MGST1: variants seen among roughly 807,000 people sequenced by gnomAD.
The protein encoded by MGST1 is glutathione S-transferase 12.
Under a neutral mutation model 8.9 loss-of-function variants are expected in MGST1, and 5 were observed. That is an observed-to-expected ratio of 0.56 (90% CI 0.29 to 1.19). The LOEUF (loss-of-function observed/expected upper bound fraction) is 1.19. MGST1 is among the 50% of genes most tolerant of loss of function. The probability of loss-of-function intolerance (pLI) is 0.08; values close to 1 mark genes in which losing one functional copy is unlikely to be tolerated. For synonymous variants in MGST1, 54 were observed against 67.8 expected (o/e 0.80, Z 1.00); for missense variants, 182 against 187.4 (o/e 0.97, Z 0.17).
chr12:16,507,999 C>G (rs1432305171), intron 4 of MGST1, among the ~76,000 whole-genome samples: 1 of 152,116 alleles, frequency 6.6e-6, no homozygotes, highest in Non-Finnish European at 1.5e-5. Context: ...TCCTTGAGTT[C>G]AGCATGCTTT....
chr12:16,586,868 AT>A lies in MGST1; in HGVS notation n.483-2659del, dbSNP rs1360253152. Among the ~76,000 whole-genome samples the A allele has an allele frequency of 6.6e-6, 1 of 152,176 alleles. No individual in the cohort carries two copies. The highest frequency in any genetic ancestry group is 1.5e-5 in the Non-Finnish European group (1 of 68,046). ...ACTGGATGACAGATTTGTTTTTAAAATGGTAAAATTAGACAATACGTCTCAT... is the reference window on the plus strand; with the variant it reads ...ACTGGATGACAGATTTGTTTTTAAAAGGTAAAATTAGACAATACGTCTCAT... On this transcript the variant is annotated intron_variant and non_coding_transcript_variant, in intron 4 of 4. Transcript: ENST00000538857. The surrounding 1 kb of genome is among the most constrained non-coding windows in gnomAD (Gnocchi z 4.3).
At chr12:16,402,309 A>G in intron 1 of MGST1, 1 of 1,594,350 alleles carries the variant, frequency 6.3e-7, no homozygotes, top group Non-Finnish European at 8.6e-7. Flanking sequence ...ATCAACACCC[A>G]CTGATGCAAC....
chr12:16,476,444 C>T (rs1941324003), intron 4 of MGST1, among the ~76,000 whole-genome samples: 1 of 152,182 alleles, frequency 6.6e-6, no homozygotes. Flanking sequence ...GCAACCTTCT[C>T]TCAGCAAGCA....
At chr12:16,447,987 T>A (rs929644474) in intron 4 of MGST1, among the ~76,000 whole-genome samples, 1 of 151,940 alleles carries the variant, frequency 6.6e-6, no homozygotes, top group Non-Finnish European at 1.5e-5. Context: ...TATGTTCTGA[T>A]GAATACACTG....
At chr12:16,357,412 TG>T in intron 2 of MGST1, 192 bp from the exon 3 acceptor site, 1 of 495,678 alleles carries the variant, frequency 2.0e-6, no homozygotes, top group Non-Finnish European at 3.6e-6. Context: ...GGCATGCATG[TG>T]GCCCACTACC....
chr12:16,416,246 T>A (rs1940787618), intron 1 of MGST1, among the ~76,000 whole-genome samples: 1 of 152,216 alleles, frequency 6.6e-6, no homozygotes, highest in Non-Finnish European at 1.5e-5. Context: ...TAAAACTATT[T>A]ATAAATGTTC....
rs374414585 is a variant in MGST1, at chr12:16,560,785, C to T, written n.483-28743C>T. On this transcript the variant is annotated intron_variant and non_coding_transcript_variant, in intron 4 of 4. Transcript: ENST00000538857. This position sits in a 1 kb window ranked among gnomAD's most constrained non-coding sequence, Gnocchi z 5.0. ...AAAGACAAATACATTAGGAAGCTTA[C>T]GTAACTGCACATAAACAGAAGTCAA... 44 of 512,740 alleles carry T rather than the reference C, an allele frequency of 8.6e-5. No individual in the cohort carries two copies. Among genetic ancestry groups the T allele is most frequent in the East Asian group, 3.2e-4 (7 of 21,830 alleles). 31.8% of individuals were successfully genotyped at this position (512,740 alleles called of 1,614,324 possible).
intron 1 of MGST1, among the ~76,000 whole-genome samples, chr12:16,350,346 G>C (rs1466871932): frequency 6.6e-6 from 1 of 152,186 alleles, no homozygotes; most frequent in Non-Finnish European, 1.5e-5. Context: ...AATATAATGA[G>C]CAAACAAACC....
chr12:16,400,879 T>G (rs1940649230), intron 1 of MGST1: 1 of 1,171,450 alleles, frequency 8.5e-7, no homozygotes, highest in Non-Finnish European at 1.3e-6. Flanking sequence ...GCATCAGAGA[T>G]GGGTGTTTAT....
At chr12:16,437,944 A>T (rs1179059727) in exon 2 of MGST1, 2 of 151,918 alleles carry the variant, frequency 1.3e-5, no homozygotes, top group African/African-American at 2.4e-5. Flanking sequence ...GATTATCCAC[A>T]CAGGGTCCAC....
At chr12:16,515,465 C>T (rs1284620898) in intron 4 of MGST1, among the ~76,000 whole-genome samples, 3 of 151,762 alleles carry the variant, frequency 2.0e-5, no homozygotes, top group African/African-American at 4.8e-5. Context: ...GGTTAAACCC[C>T]GTCTCTACTA....
chr12:16,574,522 C>G (rs1009078625), intron 4 of MGST1, among the ~76,000 whole-genome samples: 1 of 152,142 alleles, frequency 6.6e-6, no homozygotes, highest in African/African-American at 2.4e-5. Context: ...GTCTTTCTGA[C>G]AGGTTCAAAG....
chr12:16,525,544 T>C (rs1941680613), intron 4 of MGST1, among the ~76,000 whole-genome samples: 1 of 146,108 alleles, frequency 6.8e-6, no homozygotes, highest in Admixed American at 6.8e-5. Context: ...AGTCTATCAT[T>C]GTTGGACATT....
chr12:16,521,909 C>T (rs1941650313), intron 4 of MGST1, among the ~76,000 whole-genome samples: 1 of 151,406 alleles, frequency 6.6e-6, no homozygotes, highest in South Asian at 2.1e-4. Context: ...CAAGAGACAC[C>T]TTTGAACTGA....
intron 1 of MGST1, among the ~76,000 whole-genome samples, chr12:16,414,357 C>CTTTTTT (rs375736641): frequency 1.9e-5 from 2 of 103,154 alleles, no homozygotes; most frequent in African/African-American, 3.7e-5. Context: ...TACCTGATTT[C>CTTTTTT]TTTTTTTTTT....
intron 4 of MGST1, among the ~76,000 whole-genome samples, chr12:16,461,249 G>A (rs1460197755): frequency 6.6e-6 from 1 of 150,820 alleles, no homozygotes; most frequent in Non-Finnish European, 1.5e-5. Flanking sequence ...GTTACTTATG[G>A]CATTAAAGAT....
intron 1 of MGST1, among the ~76,000 whole-genome samples, chr12:16,417,624 A>G (rs1304595037): frequency 6.6e-6 from 1 of 152,146 alleles, no homozygotes; most frequent in Non-Finnish European, 1.5e-5. Context: ...TCTTTCTAGA[A>G]GCAATATTGC....
intron 1 of MGST1, chr12:16,399,278 C>T: frequency 1.2e-6 from 2 of 1,604,660 alleles, no homozygotes; most frequent in Non-Finnish European, 1.7e-6. Flanking sequence ...TCAGAAGTTA[C>T]TTCCTCTTTT....
chr12:16,536,681 C>T (rs879146645), intron 4 of MGST1, among the ~76,000 whole-genome samples: 4 of 152,084 alleles, frequency 2.6e-5, no homozygotes, highest in Non-Finnish European at 4.4e-5. Context: ...AGGTGAAAGG[C>T]ACGTCTTACA....
Sources: gnomAD v4.1 joint callset for allele counts (sites outside exome capture counted in the v4.1 genomes callset) on GRCh38, gnomAD v4.1.1 for gene constraint, Gnocchi (gnomAD v3.1) non-coding constraint, MANE v1.5 for transcripts, NCBI Gene and HGNC (gene_info 2026-07-23, HGNC 2026-07-21) for gene names.